The following RNF145 variants were observed in gnomAD, a reference collection of about 807,000 sequenced individuals.
RNF145 encodes the protein ring finger protein 145.
RNF145 carries 12 observed loss-of-function variants against 57.3 expected under a neutral mutation model. The ratio of observed to expected loss-of-function variants is 0.21; its 90% CI spans 0.13 to 0.34. The LOEUF is 0.34. Among genes scored for constraint, RNF145 ranks in the 10% least tolerant of loss-of-function variants. RNF145 has a pLI of 1.00. For synonymous variants in RNF145, 262 were observed against 288.3 expected (o/e 0.91, Z 0.92); for missense variants, 429 against 799.0 (o/e 0.54, Z 5.58).
intron 1 of RNF145, chr5:159,207,431 C>T (rs947775542): frequency 1.6e-6 from 2 of 1,253,038 alleles, no homozygotes; most frequent in Admixed American, 2.0e-5. Context: ...TACAATACTT[C>T]TACACCTTCC....
intron 1 of RNF145, among the ~76,000 whole-genome samples, chr5:159,206,612 TATA>T (rs1421574208): frequency 1.3e-5 from 2 of 152,198 alleles, no homozygotes; most frequent in Admixed American, 1.3e-4. Context: ...AGAATACCTT[TATA>T]ATGTTGCCTA....
rs369596918 is a variant in RNF145, at chr5:159,161,219, G to A, written c.1626+47C>T. The A allele has an allele frequency of 4.1e-5, 50 of 1,228,746 alleles. No homozygotes were observed. The East Asian group carries it at 4.7e-4, about 11-fold the overall frequency. 76.1% of individuals were successfully genotyped at this position (1,228,746 alleles called of 1,614,324 possible). ...GGTTAATATGGTTACAGTCCCAAGG[G>A]ATACACTGTATGACTTACCCAAACA... On this transcript the variant is annotated intron_variant, in intron 10 of 10. Transcript: ENST00000424310.
At chr5:159,186,785 T>C (rs1206084091) in intron 3 of RNF145, among the ~76,000 whole-genome samples, 1 of 152,118 alleles carries the variant, frequency 6.6e-6, no homozygotes, top group Non-Finnish European at 1.5e-5. Context: ...GCAGAACACA[T>C]GTCAAACAGT....
At position 159,161,355 on chromosome 5, in the gene RNF145, T is replaced by C; in HGVS notation, c.1537A>G (p.Arg513Gly). The change falls in exon 10 of 11, where the codon AGG (arginine) becomes GGG (glycine). Residue 513 changes from arginine (R) to glycine (G), a missense_variant. Physicochemically the swap from Arg to Gly is moderately radical, Grantham distance 125. This residue lies in a region of RNF145 where 216 missense variants were observed against 457.6 expected (regional missense o/e 0.47). Transcript: ENST00000424310. Reference protein sequence around the residue: ...QLGWKSFLLRRDAVNKIKSLP... With the variant: ...QLGWKSFLLRGDAVNKIKSLP... ...GATTTAATCTTATTCACAGCATCCC[T>C]GCGGAGAAGAAAGCTCTTCCACCCC... The C allele has an allele frequency of 1.2e-6, 2 of 1,614,196 alleles. No homozygotes were observed. The highest frequency in any genetic ancestry group is 1.7e-6 in the Non-Finnish European group (2 of 1,180,012).
chr5:159,187,012 A>G (rs1336059246), intron 3 of RNF145, among the ~76,000 whole-genome samples: 3 of 150,990 alleles, frequency 2.0e-5, no homozygotes, highest in Non-Finnish European at 4.4e-5. Flanking sequence ...TGGGCGTGGT[A>G]GCTCATGCCT....
At chr5:159,186,418 C>A (rs1470008507) in intron 3 of RNF145, among the ~76,000 whole-genome samples, 2 of 152,204 alleles carry the variant, frequency 1.3e-5, no homozygotes, top group Non-Finnish European at 2.9e-5. Flanking sequence ...AGACACTGGA[C>A]AACCTAGGAA....
intron 2 of RNF145, among the ~76,000 whole-genome samples, chr5:159,201,717 T>C (rs1785674372): frequency 6.6e-6 from 1 of 152,086 alleles, no homozygotes; most frequent in Non-Finnish European, 1.5e-5. Flanking sequence ...AGGGGGGAAA[T>C]ATACATTTTT....
chr5:159,169,313 T>C (rs1220426266), intron 7 of RNF145, among the ~76,000 whole-genome samples: 2 of 152,158 alleles, frequency 1.3e-5, no homozygotes, highest in East Asian at 3.8e-4. Flanking sequence ...CTAAGACAAA[T>C]AGAAGTTTTC....
chr5:159,182,855 A>T (rs966027114), intron 3 of RNF145, among the ~76,000 whole-genome samples: 1 of 152,148 alleles, frequency 6.6e-6, no homozygotes, highest in Non-Finnish European at 1.5e-5. Context: ...TTGTGTAAAA[A>T]AATTCTTCCC....
intron 1 of RNF145, among the ~76,000 whole-genome samples, chr5:159,207,123 A>G (rs1785916663): frequency 6.6e-6 from 1 of 152,216 alleles, no homozygotes; most frequent in Admixed American, 6.5e-5. Flanking sequence ...AATGCTGTAC[A>G]GTTTACCATT....
At chr5:159,170,680 G>C (rs376361571) in intron 6 of RNF145, among the ~76,000 whole-genome samples, 39 of 152,258 alleles carry the variant, frequency 2.6e-4, no homozygotes, top group African/African-American at 8.9e-4. Flanking sequence ...CTGCAGCCTT[G>C]AACTTCAGGG....
At chr5:159,194,893 G>T in intron 2 of RNF145, 69 bp from the exon 3 acceptor site, 2 of 1,085,320 alleles carry the variant, frequency 1.8e-6, no homozygotes, top group Non-Finnish European at 2.7e-6. Context: ...AAAAGAAAGA[G>T]CTTGAGACAA....
chr5:159,207,458 CA>C, intron 1 of RNF145: 2 of 1,494,088 alleles, frequency 1.3e-6, no homozygotes, highest in African/African-American at 1.4e-5. Context: ...AAAAGAAAAA[CA>C]AAAATCATCA....
intron 2 of RNF145, among the ~76,000 whole-genome samples, chr5:159,198,780 T>G (rs6894840): frequency 0.7 from 106,199 of 152,028 alleles, 38,132 homozygotes; most frequent in African/African-American, 0.88. Context: ...CTAGCACTCT[T>G]GGAGGCTGAG....
rs1554148164 is a variant in RNF145 at position 159,209,498 on chromosome 5, C to CCGGAGTCGGCGGCGG, written c.-308_-307insCCGCCGCCGACTCCG. On this transcript the variant is annotated 5_prime_UTR_variant, in exon 1 of 11. Coordinates refer to ENST00000424310, the MANE Select transcript of RNF145 (RefSeq NM_001199383.2). ...GGGCCGAGCCCCTTAGCAGCCGGCG[C>CCGGAGTCGGCGGCGG]CGGCGTCGGCGGCCATGGCCTCCTG... is the stretch of plus-strand genomic sequence containing the variant. 14 of 339,950 alleles carry CCGGAGTCGGCGGCGG rather than the reference C, an allele frequency of 4.1e-5. No homozygotes were observed. The highest frequency in any genetic ancestry group is 1.9e-4 in the African/African-American group (1 of 5,404). The allele number at this position is 339,950 out of a possible 1,614,324, so 21.1% of individuals were successfully genotyped here. A position where few individuals can be genotyped will look rare whatever the true frequency, so the allele number is the denominator to read the frequency against.
intron 2 of RNF145, among the ~76,000 whole-genome samples, 199 bp downstream of exon 2, chr5:159,203,235 T>C (rs776052971): frequency 4.6e-5 from 7 of 152,200 alleles, no homozygotes; most frequent in African/African-American, 4.8e-5. Flanking sequence ...ATAAATCCAA[T>C]ACTGCTTACT....
chr5:159,161,501 A>C lies in RNF145; in HGVS notation c.1391T>G (p.Leu464Arg). The C allele has an allele frequency of 1.2e-6, 2 of 1,614,198 alleles. No individual in the cohort carries two copies. Among genetic ancestry groups the C allele is most frequent in the Non-Finnish European group, 1.7e-6 (2 of 1,180,018 alleles). ...VNGTYRLLEF[L>R]VALCVVAYGV... ...ATAGGCCACCACACAGAGGGCCACA[A>C]GAAACTCCAGCAGGCGGTAAGTGCC... Residue 464 changes from leucine (L) to arginine (R), a missense_variant, in exon 10 of 11, where the codon CTT becomes CGT. This residue lies in a region of RNF145 where 216 missense variants were observed against 457.6 expected (regional missense o/e 0.47). Transcript: ENST00000424310.
At chr5:159,174,416 G>A (rs1421537751) in intron 5 of RNF145, among the ~76,000 whole-genome samples, 1 of 152,054 alleles carries the variant, frequency 6.6e-6, no homozygotes, top group Non-Finnish European at 1.5e-5. Context: ...TCAGGGATAA[G>A]GTCAAAATAA....
At position 159,169,666 on chromosome 5, in the gene RNF145, G is replaced by A. The variant is rs1430330769; in HGVS notation, c.938+13C>T. On this transcript the variant is annotated intron_variant, in intron 7 of 10. Coordinates refer to ENST00000424310, the MANE Select transcript of RNF145 (RefSeq NM_001199383.2). The stretch of plus-strand genomic sequence containing the variant: ...TATTTACATTTCTAGATATAATCAA[G>A]GAAAGAACTTACCGATTCATGGCAG... 4 of 1,576,148 alleles carry A rather than the reference G, an allele frequency of 2.5e-6. No homozygotes were observed. The highest frequency in any genetic ancestry group is 3.4e-6 in the Non-Finnish European group (4 of 1,166,192).
Sources: allele counts gnomAD v4.1 joint callset (sites outside exome capture counted in the v4.1 genomes callset), GRCh38; gene constraint gnomAD v4.1.1; regional missense constraint gnomAD v4.1.1; transcripts MANE v1.5; gene names NCBI Gene and HGNC (gene_info 2026-07-23, HGNC 2026-07-21).